SEC16B: variants seen among roughly 807,000 people sequenced by gnomAD.
SEC16B encodes SEC16 homolog B, endoplasmic reticulum export factor, also known as protein transport protein Sec16B.
SEC16B carries 115 observed loss-of-function variants against 141.8 expected under a neutral mutation model. The observed-to-expected ratio is 0.81, with a 90% CI of 0.70 to 0.95. The LOEUF (loss-of-function observed/expected upper bound fraction) is 0.95. Among genes scored for constraint, SEC16B ranks in the 40% least tolerant of loss-of-function variants. The pLI, the probability that SEC16B is intolerant of heterozygous loss-of-function variation, is 0.00. For missense variants in SEC16B, 1,291 were observed against 1,312.3 expected, an observed-to-expected ratio of 0.98 and a Z score of 0.25; for synonymous variants, 493 against 492.5, an observed-to-expected ratio of 1.00 and a Z score of -0.01.
upstream of SEC16B, among the ~76,000 whole-genome samples, chr1:177,974,123 C>CT (rs5778969): frequency 6.0e-5 from 9 of 150,112 alleles, no homozygotes; most frequent in African/African-American, 1.7e-4. Context: ...GAAATGCTAC[C>CT]TTTTTTTTTT....
intron 1 of SEC16B, among the ~76,000 whole-genome samples, chr1:177,975,501 G>T (rs559769328): frequency 1.1e-4 from 16 of 152,114 alleles, no homozygotes; most frequent in African/African-American, 3.9e-4. Flanking sequence ...TGCTGTGTGG[G>T]ATATAAATGA....
At chr1:177,944,242 T>C (rs941134869) in intron 15 of SEC16B, among the ~76,000 whole-genome samples, 4 of 152,048 alleles carry the variant, frequency 2.6e-5, no homozygotes, top group African/African-American at 9.7e-5. Context: ...AAGGGAGAGC[T>C]GTCTGGAGAG....
At chr1:177,939,013 G>A (rs1013552364) in intron 18 of SEC16B, among the ~76,000 whole-genome samples, 7 of 152,182 alleles carry the variant, frequency 4.6e-5, no homozygotes, top group East Asian at 1.9e-4. Context: ...GCACCCAGCC[G>A]GGCTCTCCTC....
chr1:177,978,949 T>A (rs535351464), intron 1 of SEC16B, among the ~76,000 whole-genome samples: 1 of 152,184 alleles, frequency 6.6e-6, no homozygotes, highest in Non-Finnish European at 1.5e-5. Context: ...TTCCCAGAGA[T>A]GCCTATCCTT....
At chr1:177,968,100 T>G in intron 1 of SEC16B, 61 bp from the exon 2 acceptor site, 6 of 1,031,112 alleles carry the variant, frequency 5.8e-6, no homozygotes, top group Non-Finnish European at 8.2e-6. Context: ...ACATAGTGGT[T>G]GATTAGGTTT....
Position 177,967,835 on chromosome 1 carries a change from C to A in SEC16B, c.147G>T (p.Trp49Cys). ...GCTGGGGGCTCCCACGGTTGTCTTG[C>A]CATTGGTGAAACCTCTCTCCATTGT... Reference protein sequence around the residue: ...SWHNGERFHQWQDNRGSPQPQ... With the variant: ...SWHNGERFHQCQDNRGSPQPQ... Residue 49 changes from tryptophan to cysteine, a missense_variant, in exon 2 of 26, where the codon TGG becomes TGT. Physicochemically the swap from Trp to Cys is radical, Grantham distance 215 (BLOSUM62 -2). This residue lies in a region of SEC16B where 681 missense variants were observed against 675.5 expected (regional missense o/e 1.01). Coordinates refer to ENST00000308284, the MANE Select transcript of SEC16B (RefSeq NM_033127.4). 6.2e-7 allele frequency: 1 copy of A among 1,613,978 alleles called. No homozygotes were observed. Among genetic ancestry groups the A allele is most frequent in the Middle Eastern group, 1.6e-4 (1 of 6,062 alleles).
intron 24 of SEC16B, among the ~76,000 whole-genome samples, chr1:177,930,992 C>G (rs1240951043): frequency 6.6e-6 from 1 of 152,154 alleles, no homozygotes; most frequent in Non-Finnish European, 1.5e-5. Flanking sequence ...TAAATTAGTA[C>G]AACCTCTATG....
rs188259867 is a variant in SEC16B, at chr1:177,952,400, C to A, written c.1464-405G>T. On this transcript the variant is annotated intron_variant, in intron 11 of 25. Transcript: ENST00000308284. ...AGCCATCCCGATCTCCCACTCCCTG[C>A]AGCCCTCCTCCACGCCAAGCCCACA... 6.3e-3 allele frequency among the ~76,000 whole-genome samples: 959 copies of A among 152,274 alleles called. 11 individuals are homozygous for A. The highest frequency in any genetic ancestry group is 0.022 in the African/African-American group (917 of 41,540).
intron 12 of SEC16B, among the ~76,000 whole-genome samples, chr1:177,949,528 G>C (rs1652009093): frequency 6.6e-6 from 1 of 151,768 alleles, no homozygotes; most frequent in Non-Finnish European, 1.5e-5. Flanking sequence ...ACACAGTAGA[G>C]AGAGAGAGAG....
At chr1:177,964,412 C>T (rs1050676144) in intron 4 of SEC16B, 133 bp from the exon 5 acceptor site, 16 of 575,388 alleles carry the variant, frequency 2.8e-5, no homozygotes, top group Non-Finnish European at 4.6e-5. Flanking sequence ...TAGGAGAAAG[C>T]ATTTTCCTCC....
chr1:177,933,887 C>T (rs1333708794), intron 20 of SEC16B, among the ~76,000 whole-genome samples: 2 of 151,912 alleles, frequency 1.3e-5, no homozygotes, highest in African/African-American at 4.8e-5. Flanking sequence ...TCTCCAGAAA[C>T]AGACAGTTTT....
intron 14 of SEC16B, among the ~76,000 whole-genome samples, 163 bp from the exon 15 acceptor site, chr1:177,944,829 AGAGT>A (rs1322110523): frequency 1.3e-5 from 2 of 152,150 alleles, no homozygotes; most frequent in African/African-American, 4.8e-5. Flanking sequence ...CTGGGCTCCC[AGAGT>A]GAGTGTTTCA....
At position 177,967,737 on chromosome 1, in the gene SEC16B, G is replaced by A. The variant is rs1653654488; in HGVS notation, c.245C>T (p.Pro82Leu). The change falls in exon 2 of 26, where the codon CCT becomes CTT. Residue 82 changes from proline (P) to leucine (L), a missense_variant. This residue lies in a region of SEC16B where 681 missense variants were observed against 675.5 expected (regional missense o/e 1.01). Coordinates refer to ENST00000308284, the MANE Select transcript of SEC16B (RefSeq NM_033127.4). ...TTCGTAATAGTCAACTCCAGACACAGGCTGATGCCAGTCCCCTGGCCTGGA... is the reference window on the plus strand; with the variant it reads ...TTCGTAATAGTCAACTCCAGACACAAGCTGATGCCAGTCCCCTGGCCTGGA... ...YASRPGDWHQ[P>L]VSGVDYYEGG... 1.2e-6 allele frequency: 2 copies of A among 1,613,568 alleles called. No homozygotes were observed. Among genetic ancestry groups the A allele is most frequent in the Non-Finnish European group, 1.7e-6 (2 of 1,179,544 alleles).
upstream of SEC16B, among the ~76,000 whole-genome samples, chr1:177,973,640 G>A (rs547466139): frequency 3.9e-5 from 6 of 152,196 alleles, no homozygotes; most frequent in Non-Finnish European, 7.4e-5. Flanking sequence ...AGGTTGAGTC[G>A]TTTGTACACT....
At position 177,967,719 on chromosome 1, in the gene SEC16B, T is replaced by C. The variant is rs529610328; in HGVS notation, c.263A>G (p.Tyr88Cys). ...DWHQPVSGVD[Y>C]YEGGYRNQLY... The stretch of plus-strand genomic sequence containing the variant: ...CTGATTGCGATAACCACCTTCGTAA[T>C]AGTCAACTCCAGACACAGGCTGATG... Residue 88 changes from tyrosine to cysteine, a missense_variant, in exon 2 of 26, where the codon TAT becomes TGT. By Grantham distance (194) the Tyr-to-Cys change is radical. Around this residue, in one of 3 missense-constraint regions of SEC16B, gnomAD observed 681 missense variants for 675.5 expected, o/e 1.01. Transcript: ENST00000308284. 36 of 1,609,566 alleles carry C rather than the reference T, an allele frequency of 2.2e-5. No homozygotes were observed. In the South Asian group the frequency reaches 2.4e-4, roughly 11 times the overall value.
intron 12 of SEC16B, among the ~76,000 whole-genome samples, chr1:177,948,922 T>TACACAC (rs71108020): frequency 0.012 from 1,719 of 149,348 alleles, 41 homozygotes; most frequent in Admixed American, 0.047. Context: ...TAGGTATAAA[T>TACACAC]ACACACACAC....
upstream of SEC16B, among the ~76,000 whole-genome samples, chr1:177,972,027 CA>C (rs1273319938): frequency 2.0e-5 from 3 of 152,172 alleles, no homozygotes; most frequent in Non-Finnish European, 2.9e-5. Context: ...CCTGATTCAG[CA>C]TTCTTGCAAT....
intron 1 of SEC16B, among the ~76,000 whole-genome samples, chr1:177,977,072 C>T (rs1654195854): frequency 6.6e-6 from 1 of 152,108 alleles, no homozygotes; most frequent in South Asian, 2.1e-4. Flanking sequence ...AAAACAAATA[C>T]AAATGTTTTG....
At chr1:177,935,794 T>G (rs112233166) in intron 20 of SEC16B, among the ~76,000 whole-genome samples, 5,914 of 152,218 alleles carry the variant, frequency 0.039, 422 homozygotes, top group African/African-American at 0.13. Flanking sequence ...GGACCAACAC[T>G]GCCCATTGCT....
Sources: allele counts gnomAD v4.1 joint callset (sites outside exome capture counted in the v4.1 genomes callset), GRCh38; gene constraint gnomAD v4.1.1; regional missense constraint gnomAD v4.1.1; transcripts MANE v1.5; gene names NCBI Gene and HGNC (gene_info 2026-07-23, HGNC 2026-07-21).